MTTP: variants seen among roughly 807,000 people sequenced by gnomAD.
The protein encoded by MTTP is microsomal triglyceride transfer protein.
Under a neutral mutation model 90.6 loss-of-function variants are expected in MTTP, and 49 were observed. That is an observed-to-expected ratio of 0.54 (90% CI 0.43 to 0.69). MTTP has a LOEUF of 0.69. Among genes scored for constraint, MTTP ranks in the 30% least tolerant of loss-of-function variants. The probability of loss-of-function intolerance (pLI) is 0.00; values close to 1 mark genes in which losing one functional copy is unlikely to be tolerated. For missense variants in MTTP, 945 were observed against 1,067.5 expected, an observed-to-expected ratio of 0.89 and a Z score of 1.60; for synonymous variants, 347 against 384.2, an observed-to-expected ratio of 0.90 and a Z score of 1.13.
Position 99,619,076 on chromosome 4 carries a change from T to G in MTTP, c.2320T>G (p.Ser774Ala), listed in dbSNP as rs148362467. The change falls in exon 16 of 18, where the codon TCT becomes GCT. Residue 774 changes from serine (S) to alanine (A), a missense_variant. Physicochemically the swap from Ser to Ala is moderately conservative, Grantham distance 99. Transcript: ENST00000265517. Reference sequence around the variant, plus strand: ...GGAGTTTAGCTTGTGGTATCGTGAGTCTAAAACCCGAGTGAAAAATAGGTA... The same window carrying G: ...GGAGTTTAGCTTGTGGTATCGTGAGGCTAAAACCCGAGTGAAAAATAGGTA... ...AMEFSLWYRE[S>A]KTRVKNRVTV... 49 of 1,613,462 alleles carry G rather than the reference T, an allele frequency of 3.0e-5. 1 individual carries two copies. Among genetic ancestry groups the G allele is most frequent in the Non-Finnish European group, 4.2e-6 (5 of 1,179,590 alleles).
chr4:99,599,123 G>C (rs981766898), intron 8 of MTTP, among the ~76,000 whole-genome samples: 1 of 152,196 alleles, frequency 6.6e-6, no homozygotes, highest in African/African-American at 2.4e-5. Flanking sequence ...TTTGCAGGAA[G>C]TTAACAGGTA....
chr4:99,614,788 T>C (rs116454712), intron 15 of MTTP, among the ~76,000 whole-genome samples: 2 of 152,218 alleles, frequency 1.3e-5, no homozygotes, highest in African/African-American at 4.8e-5. Flanking sequence ...GTCTAGGTTT[T>C]GGACCAAAAC....
intron 14 of MTTP, among the ~76,000 whole-genome samples, chr4:99,612,502 C>T (rs78189095): frequency 0.023 from 3,535 of 151,956 alleles, 108 homozygotes; most frequent in Middle Eastern, 0.1. Flanking sequence ...CTTTTAGATG[C>T]TCTGCAAGAC....
At chr4:99,584,221 C>G (rs1560614948) in intron 3 of MTTP, 1 of 151,924 alleles carries the variant, frequency 6.6e-6, no homozygotes, top group South Asian at 2.1e-4. Flanking sequence ...TTAGGCATTA[C>G]ATATTTGTGT....
chr4:99,596,657 A>G (rs926773753), intron 7 of MTTP, among the ~76,000 whole-genome samples: 10 of 152,316 alleles, frequency 6.6e-5, no homozygotes, highest in African/African-American at 1.9e-4. Flanking sequence ...ACCTGATGCA[A>G]TTCTTCAGCA....
In MTTP at chr4:99,606,899, C is replaced by T; in HGVS notation, c.1496C>T (p.Pro499Leu). Residue 499 changes from proline (P) to leucine (L), a missense_variant, in exon 11 of 18, where the codon CCC (proline) becomes CTC (leucine). By Grantham distance (98) the Pro-to-Leu change is moderately conservative (BLOSUM62 -3). Transcript: ENST00000265517. Reference protein sequence around the residue: ...LLKYAEAGEGPISHLATTALQ... With the variant: ...LLKYAEAGEGLISHLATTALQ... ...AAGTATGCAGAAGCAGGAGAAGGGC[C>T]CATCAGCCACCTGGCTACCACTGCT... The T allele has an allele frequency of 6.2e-7, 1 of 1,613,904 alleles. No homozygotes were observed. Among genetic ancestry groups the T allele is most frequent in the Admixed American group, 1.7e-5 (1 of 60,000 alleles).
chr4:99,621,989 G>A (rs1302749467), intron 17 of MTTP, among the ~76,000 whole-genome samples: 2 of 151,968 alleles, frequency 1.3e-5, no homozygotes, highest in African/African-American at 2.4e-5. Flanking sequence ...TTTTAAGTAG[G>A]CCAAAATTGA....
At chr4:99,577,605 CAAAAA>C (rs10605949) in intron 1 of MTTP, among the ~76,000 whole-genome samples, 2 of 101,296 alleles carry the variant, frequency 2.0e-5, no homozygotes, top group African/African-American at 7.1e-5. Flanking sequence ...AACTCTGTTT[CAAAAA>C]AAAAAAAAAA....
chr4:99,567,020 A>C (rs1387343145), intron 1 of MTTP, among the ~76,000 whole-genome samples: 2 of 152,154 alleles, frequency 1.3e-5, no homozygotes, highest in Non-Finnish European at 2.9e-5. Flanking sequence ...CCAAAAAGAA[A>C]CCCATTTTTA....
Position 99,583,436 on chromosome 4 carries a change from A to G in MTTP, c.312A>G (p.Gly104=). ...QQRGEKSIFK[G]KSPSKIMGKE... ...GAGGAGAGAAGAGCATCTTCAAAGGAAAAAGCCCATCTAAAATAATGGGAA... is the reference window on the plus strand; with the variant it reads ...GAGGAGAGAAGAGCATCTTCAAAGGGAAAAGCCCATCTAAAATAATGGGAA... Residue 104 remains glycine, a synonymous_variant, in exon 3 of 18, where the codon GGA becomes GGG. Transcript: ENST00000265517. 3 of 1,613,566 alleles carry G rather than the reference A, an allele frequency of 1.9e-6. No homozygotes were observed. The highest frequency in any genetic ancestry group is 1.1e-5 in the South Asian group (1 of 91,056).
intron 16 of MTTP, among the ~76,000 whole-genome samples, chr4:99,619,413 TA>T (rs1726177550): frequency 6.6e-6 from 1 of 152,158 alleles, no homozygotes; most frequent in Non-Finnish European, 1.5e-5. Flanking sequence ...CACTTTAAGG[TA>T]AACTTTCCTC....
rs767833468 is a variant in MTTP at position 99,618,993 on chromosome 4, G to A, written c.2237G>A (p.Gly746Glu). ...DHSQELQLQS[G>E]LKANIEVQGG... The stretch of plus-strand genomic sequence containing the variant: ...TTCTAGGAACTTCAGTTACAATCTG[G>A]ACTAAAAGCCAATATAGAGGTCCAG... Residue 746 changes from glycine (G) to glutamate (E), a missense_variant, in exon 16 of 18, where the codon GGA becomes GAA. Coordinates refer to ENST00000265517, the MANE Select transcript of MTTP (RefSeq NM_001386140.1). 2 of 1,612,792 alleles carry A rather than the reference G, an allele frequency of 1.2e-6. No individual in the cohort carries two copies. Among genetic ancestry groups the A allele is most frequent in the Non-Finnish European group, 1.7e-6 (2 of 1,179,002 alleles).
intron 1 of MTTP, among the ~76,000 whole-genome samples, chr4:99,567,319 A>G (rs949216277): frequency 6.6e-6 from 1 of 152,206 alleles, no homozygotes; most frequent in African/African-American, 2.4e-5. Flanking sequence ...GAAGATAGCT[A>G]TAACATAACT....
chr4:99,604,522 G>A, intron 10 of MTTP, among the ~76,000 whole-genome samples: 1 of 151,992 alleles, frequency 6.6e-6, no homozygotes, highest in East Asian at 1.9e-4. Flanking sequence ...AGTTGTTAAC[G>A]TATTTTCATC....
rs943962110 is a variant in MTTP, at chr4:99,564,400, A to T, written c.-102+163A>T. 3 of 658,278 alleles carry T rather than the reference A, an allele frequency of 4.6e-6. No individual in the cohort carries two copies. In the Middle Eastern group the frequency reaches 1.3e-3, roughly 294 times the overall value. The allele number at this position is 658,278 out of a possible 1,614,324, so 40.8% of individuals were successfully genotyped here. A position where few individuals can be genotyped will look rare whatever the true frequency, so the allele number is the denominator to read the frequency against. ...TTACCATATCACATGATTTTACATA[A>T]CTCAAGTGGAAAATTAAATTCAAAA... is the stretch of plus-strand genomic sequence containing the variant. On this transcript the variant is annotated intron_variant, in intron 1 of 18. Coordinates refer to the MTTP transcript ENST00000457717.
chr4:99,599,361 C>G (rs56938823), intron 8 of MTTP, among the ~76,000 whole-genome samples: 4,173 of 152,122 alleles, frequency 0.027, 80 homozygotes, highest in South Asian at 0.074. Flanking sequence ...ATTAAGAAAC[C>G]ATGGACTCCA....
chr4:99,597,785 T>A (rs779004733), intron 8 of MTTP, among the ~76,000 whole-genome samples: 2 of 152,240 alleles, frequency 1.3e-5, no homozygotes, highest in Non-Finnish European at 2.9e-5. Context: ...CCATTTTACA[T>A]GTGTAATAAA....
At chr4:99,614,156 C>T (rs1238094381) in intron 15 of MTTP, among the ~76,000 whole-genome samples, 7 of 152,122 alleles carry the variant, frequency 4.6e-5, no homozygotes, top group East Asian at 1.9e-4. Flanking sequence ...TAATAGCCTA[C>T]GTTTGAATTT....
At chr4:99,590,382 G>A (rs1560617135) in intron 4 of MTTP, among the ~76,000 whole-genome samples, 3 of 152,154 alleles carry the variant, frequency 2.0e-5, no homozygotes, top group Non-Finnish European at 4.4e-5. Context: ...GAGCCACCGC[G>A]CTTGGTCAAA....
Sources: gnomAD v4.1 joint callset for allele counts (sites outside exome capture counted in the v4.1 genomes callset) on GRCh38, gnomAD v4.1.1 for gene constraint, MANE v1.5 for transcripts, NCBI Gene and HGNC (gene_info 2026-07-23, HGNC 2026-07-21) for gene names.